Variants in FHIT observed in about 807,000 individuals in gnomAD.
FHIT encodes the protein fragile histidine triad diadenosine triphosphatase.
FHIT carries 19 observed loss-of-function variants against 17.9 expected under a neutral mutation model. The observed-to-expected ratio is 1.06, with a 90% confidence interval of 0.74 to 1.56. The LOEUF (loss-of-function observed/expected upper bound fraction) is 1.56. FHIT is among the 40% of genes most tolerant of loss of function. The pLI, the probability that FHIT is intolerant of heterozygous loss-of-function variation, is 0.00. For synonymous variants in FHIT, 81 were observed against 69.7 expected, an observed-to-expected ratio of 1.16 and a Z score of -0.81; for missense variants, 248 against 189.2, an observed-to-expected ratio of 1.31 and a Z score of -1.82.
At chr3:60,793,310 T>TTTTC (rs1700852847) in intron 4 of FHIT, among the ~76,000 whole-genome samples, 1 of 149,748 alleles carries the variant, frequency 6.7e-6, no homozygotes, top group Non-Finnish European at 1.5e-5. Context: ...TTCTTTTTCT[T>TTTTC]TTTTTTTTTG....
chr3:61,005,015 G>C (rs981492851), intron 3 of FHIT, among the ~76,000 whole-genome samples: 1 of 152,208 alleles, frequency 6.6e-6, no homozygotes, highest in African/African-American at 2.4e-5. Context: ...ACAGCAGAGA[G>C]GGAGAAGAAC....
At chr3:60,692,951 G>A (rs1553699822) in intron 4 of FHIT, among the ~76,000 whole-genome samples, 3 of 152,154 alleles carry the variant, frequency 2.0e-5, no homozygotes, top group Non-Finnish European at 1.5e-5. Context: ...AATGATTAAA[G>A]GTCTTCCCTC....
intron 5 of FHIT, among the ~76,000 whole-genome samples, chr3:60,042,365 A>G (rs190394400): frequency 6.6e-6 from 1 of 152,348 alleles, no homozygotes; most frequent in East Asian, 1.9e-4. Flanking sequence ...CGAGCATAAC[A>G]AAATACCAAG....
chr3:60,957,276 T>A (rs1709214009), intron 3 of FHIT, among the ~76,000 whole-genome samples: 1 of 147,894 alleles, frequency 6.8e-6, no homozygotes. Context: ...CTCACTTTGT[T>A]GCTCAGGCTG....
At chr3:60,772,712 A>G (rs1281381114) in intron 4 of FHIT, among the ~76,000 whole-genome samples, 2 of 152,134 alleles carry the variant, frequency 1.3e-5, no homozygotes, top group South Asian at 2.1e-4. Context: ...ATTGCCAGCC[A>G]TTATTCCAGA....
intron 4 of FHIT, among the ~76,000 whole-genome samples, chr3:60,735,652 T>C (rs2042119261): frequency 6.6e-6 from 1 of 152,162 alleles, no homozygotes; most frequent in African/African-American, 2.4e-5. Context: ...AACTAAGAGA[T>C]GATAGAGACA....
intron 4 of FHIT, among the ~76,000 whole-genome samples, chr3:60,781,853 A>T (rs1270026049): frequency 1.3e-5 from 2 of 152,220 alleles, no homozygotes. Flanking sequence ...GAATATAGAC[A>T]AATTATAGTT....
At chr3:61,108,423 C>A (rs2036054391) in intron 2 of FHIT, among the ~76,000 whole-genome samples, 1 of 152,182 alleles carries the variant, frequency 6.6e-6, no homozygotes, top group Non-Finnish European at 1.5e-5. Context: ...CAACACAGAG[C>A]AAAGTCTTTG....
intron 8 of FHIT, among the ~76,000 whole-genome samples, chr3:59,892,336 C>T (rs73839586): frequency 0.039 from 5,933 of 152,272 alleles, 378 homozygotes; most frequent in African/African-American, 0.13. Context: ...ATCTCTCCTG[C>T]CTAATGGCTT....
chr3:60,644,270 T>C (rs751087681), intron 4 of FHIT, among the ~76,000 whole-genome samples: 12 of 152,194 alleles, frequency 7.9e-5, no homozygotes, highest in Non-Finnish European at 1.3e-4. Context: ...TCATAGGTGT[T>C]TGCCCCACAA....
intron 4 of FHIT, among the ~76,000 whole-genome samples, chr3:60,678,560 C>A (rs2040674724): frequency 6.6e-6 from 1 of 152,074 alleles, no homozygotes; most frequent in Non-Finnish European, 1.5e-5. Flanking sequence ...TAAGGAGTTA[C>A]CAAAATGTCA....
intron 2 of FHIT, among the ~76,000 whole-genome samples, chr3:61,196,302 T>C (rs982689177): frequency 2.0e-5 from 3 of 152,236 alleles, no homozygotes; most frequent in Admixed American, 1.3e-4. Context: ...ACAATGTAGA[T>C]ACACTGCTTT....
chr3:60,533,708 G>A (rs2035871879), intron 5 of FHIT, among the ~76,000 whole-genome samples: 2 of 152,162 alleles, frequency 1.3e-5, no homozygotes, highest in Admixed American at 1.3e-4. Context: ...AGAAAGTATA[G>A]TAAAGGGATA....
chr3:61,198,904 T>TCC (rs1560063868), intron 2 of FHIT, among the ~76,000 whole-genome samples: 6 of 63,198 alleles, frequency 9.5e-5, no homozygotes, highest in African/African-American at 6.6e-4. Flanking sequence ...CCGATGATGA[T>TCC]GATGATGATG....
chr3:60,568,981 T>TA, intron 4 of FHIT, among the ~76,000 whole-genome samples: 1 of 151,700 alleles, frequency 6.6e-6, no homozygotes, highest in South Asian at 2.1e-4. Context: ...AGAGATTCTT[T>TA]TTTTTTTTTT....
intron 4 of FHIT, among the ~76,000 whole-genome samples, chr3:60,618,362 T>C (rs1244103352): frequency 6.6e-6 from 1 of 152,130 alleles, no homozygotes; most frequent in Non-Finnish European, 1.5e-5. Context: ...GGTGATTTGC[T>C]ACACAGATCA....
chr3:60,445,386 G>A (rs146685639), intron 5 of FHIT, among the ~76,000 whole-genome samples: 6 of 151,960 alleles, frequency 3.9e-5, no homozygotes, highest in African/African-American at 1.4e-4. Context: ...GTAGCTTTAA[G>A]AAGCAATTAT....
intron 5 of FHIT, among the ~76,000 whole-genome samples, chr3:60,094,978 T>A (rs1703882404): frequency 1.3e-5 from 2 of 152,200 alleles, no homozygotes; most frequent in South Asian, 4.1e-4. Flanking sequence ...TTGATCATGA[T>A]CAGAAGCAGG....
chr3:60,202,151 T>G (rs1702943473), intron 5 of FHIT, among the ~76,000 whole-genome samples: 1 of 152,248 alleles, frequency 6.6e-6, no homozygotes, highest in East Asian at 1.9e-4. Flanking sequence ...GGAAGATAGC[T>G]GGAATTTTAG....
Sources: allele counts gnomAD v4.1 joint callset (sites outside exome capture counted in the v4.1 genomes callset), GRCh38; gene constraint gnomAD v4.1.1; transcripts MANE v1.5; gene names NCBI Gene and HGNC (gene_info 2026-07-23, HGNC 2026-07-21).